Variants in PEX7 observed in about 807,000 individuals in gnomAD.
The protein encoded by PEX7 is PTS2 receptor.
A neutral mutation model predicts 47.5 loss-of-function variants in PEX7; 34 were observed. That is an observed-to-expected ratio of 0.72 (90% CI 0.54 to 0.95). PEX7 has a LOEUF of 0.95. Ranked by LOEUF, PEX7 falls within the 40% of genes least tolerant of loss-of-function variation. PEX7 has a pLI of 0.00. For synonymous variants in PEX7, 141 were observed against 148.8 expected (o/e 0.95, Z 0.38); for missense variants, 394 against 400.3 (o/e 0.98, Z 0.13).
chr6:136,892,546 G>A (rs1277935756), intron 8 of PEX7, among the ~76,000 whole-genome samples: 2 of 152,166 alleles, frequency 1.3e-5, no homozygotes, highest in African/African-American at 4.8e-5. Flanking sequence ...CCTTTGAAAT[G>A]AGGATTATAC....
chr6:136,867,689 A>C (rs1417473472), intron 6 of PEX7, among the ~76,000 whole-genome samples: 2 of 151,958 alleles, frequency 1.3e-5, no homozygotes, highest in Non-Finnish European at 1.5e-5. Context: ...GAGGCAGGGG[A>C]ATCGCTTGAA....
intron 8 of PEX7, among the ~76,000 whole-genome samples, chr6:136,891,874 G>T (rs984751185): frequency 2.6e-5 from 4 of 152,086 alleles, no homozygotes; most frequent in African/African-American, 9.7e-5. Flanking sequence ...TGAACTCCTG[G>T]CCTTAAGTGA....
intron 7 of PEX7, among the ~76,000 whole-genome samples, chr6:136,871,207 G>T (rs931719351): frequency 2.6e-5 from 4 of 152,106 alleles, no homozygotes; most frequent in African/African-American, 9.7e-5. Context: ...ACTAAGTGCT[G>T]GTCAAATGTA....
chr6:136,861,175 C>T (rs1322086175), intron 5 of PEX7, among the ~76,000 whole-genome samples: 1 of 152,118 alleles, frequency 6.6e-6, no homozygotes, highest in Non-Finnish European at 1.5e-5. Flanking sequence ...GCCTCTGCCT[C>T]CTAGGCTCAA....
intron 6 of PEX7, among the ~76,000 whole-genome samples, chr6:136,868,679 G>T (rs1474309298): frequency 6.6e-6 from 1 of 151,688 alleles, no homozygotes; most frequent in African/African-American, 2.4e-5. Flanking sequence ...GACAATGTTA[G>T]GTTGGTGCAA....
At chr6:136,847,405 A>G (rs1340337675) in intron 5 of PEX7, among the ~76,000 whole-genome samples, 1 of 152,004 alleles carries the variant, frequency 6.6e-6, no homozygotes, top group Admixed American at 6.6e-5. Context: ...TGTTTTAGAC[A>G]TGAAATCCTT....
At chr6:136,845,481 G>T in intron 3 of PEX7, 134 bp from the exon 4 acceptor site, 1 of 710,782 alleles carries the variant, frequency 1.4e-6, no homozygotes, top group Non-Finnish European at 2.6e-6. Flanking sequence ...ACCTTGTTGA[G>T]ATGGATAGGA....
At chr6:136,839,988 A>G (rs1425822788) in intron 3 of PEX7, among the ~76,000 whole-genome samples, 1 of 152,102 alleles carries the variant, frequency 6.6e-6, no homozygotes, top group African/African-American at 2.4e-5. Flanking sequence ...CCTTTGGTCT[A>G]AAGGGGAAGT....
intron 7 of PEX7, among the ~76,000 whole-genome samples, chr6:136,871,781 G>A (rs1396180879): frequency 6.6e-6 from 1 of 152,066 alleles, no homozygotes; most frequent in African/African-American, 2.4e-5. Context: ...GGCTGGTCTC[G>A]AGCTCCTGAC....
intron 9 of PEX7, among the ~76,000 whole-genome samples, chr6:136,910,204 T>A (rs1170368840): frequency 2.0e-5 from 3 of 152,194 alleles, no homozygotes; most frequent in Non-Finnish European, 2.9e-5. Flanking sequence ...ATTAATTTGT[T>A]GAGCCAATAT....
intron 8 of PEX7, among the ~76,000 whole-genome samples, chr6:136,883,288 T>G (rs2115249522): frequency 6.6e-6 from 1 of 152,314 alleles, no homozygotes; most frequent in East Asian, 1.9e-4. Flanking sequence ...CTTTGAAAGC[T>G]TATAGGCATA....
intron 3 of PEX7, among the ~76,000 whole-genome samples, chr6:136,835,284 A>AT (rs953487406): frequency 1.5e-5 from 2 of 133,778 alleles, no homozygotes; most frequent in South Asian, 2.3e-4. Flanking sequence ...GCTTACAAAA[A>AT]TTTTTTTTTC....
chr6:136,828,733 A>G (rs1323772739), intron 3 of PEX7, among the ~76,000 whole-genome samples: 1 of 152,198 alleles, frequency 6.6e-6, no homozygotes, highest in African/African-American at 2.4e-5. Context: ...TAAGCTTTAT[A>G]AGATTTTACC....
intron 9 of PEX7, among the ~76,000 whole-genome samples, chr6:136,903,951 T>C (rs1362405959): frequency 2.6e-5 from 4 of 151,938 alleles, no homozygotes; most frequent in Non-Finnish European, 5.9e-5. Flanking sequence ...GGATTACAGG[T>C]GTGAGCCACT....
chr6:136,837,619 G>A (rs1175926969), intron 3 of PEX7, among the ~76,000 whole-genome samples: 1 of 152,110 alleles, frequency 6.6e-6, no homozygotes, highest in African/African-American at 2.4e-5. Context: ...CAGGAATAGT[G>A]TCTTTGGAGA....
At chr6:136,907,788 G>T (rs1190826915) in intron 9 of PEX7, among the ~76,000 whole-genome samples, 1 of 152,076 alleles carries the variant, frequency 6.6e-6, no homozygotes, top group Non-Finnish European at 1.5e-5. Flanking sequence ...AAAGTGGAGG[G>T]AATTGATGCA....
intron 5 of PEX7, among the ~76,000 whole-genome samples, chr6:136,863,044 T>A (rs1774994274): frequency 6.6e-6 from 1 of 152,234 alleles, no homozygotes; most frequent in Non-Finnish European, 1.5e-5. Context: ...GACTGGTGGC[T>A]AGACCACAGA....
intron 8 of PEX7, among the ~76,000 whole-genome samples, chr6:136,884,006 G>A (rs1775424121): frequency 1.3e-5 from 2 of 152,120 alleles, no homozygotes; most frequent in African/African-American, 4.8e-5. Context: ...AAATGTAACT[G>A]GAGGCTAGTG....
At position 136,898,242 on chromosome 6, in the gene PEX7, G is replaced by C. The variant is rs148591292; in HGVS notation, c.903+1G>C. The C allele has an allele frequency of 7.5e-5, 115 of 1,535,488 alleles. No individual in the cohort carries two copies. Among genetic ancestry groups the C allele is most frequent in the Non-Finnish European group, 9.7e-5 (107 of 1,108,716 alleles). On this transcript the variant is annotated splice_donor_variant, in intron 9 of 9. Coordinates refer to ENST00000318471, the MANE Select transcript of PEX7 (RefSeq NM_000288.4). LOFTEE classifies it high-confidence loss of function. ...CTTCAGTCTTCAGAGCCCCACTCAG[G>C]TAACGGATACAATCTCATGATATTC... is the stretch of plus-strand genomic sequence containing the variant.
Sources: gnomAD v4.1 joint callset for allele counts (sites outside exome capture counted in the v4.1 genomes callset) on GRCh38, gnomAD v4.1.1 for gene constraint, MANE v1.5 for transcripts, NCBI Gene and HGNC (gene_info 2026-07-23, HGNC 2026-07-21) for gene names.